RSU1: variants seen among roughly 807,000 people sequenced by gnomAD.
The protein encoded by RSU1 is Ras suppressor protein 1.
Under a neutral mutation model 31.1 loss-of-function variants are expected in RSU1, and 26 were observed. That is an observed-to-expected ratio of 0.84 (90% CI 0.61 to 1.16). RSU1 has a LOEUF of 1.16. Among genes scored for constraint, RSU1 ranks in the 50% most tolerant of loss-of-function variants. The pLI, the probability that RSU1 is intolerant of heterozygous loss-of-function variation, is 0.00. For synonymous variants in RSU1, 164 were observed against 136.3 expected, an observed-to-expected ratio of 1.20 and a Z score of -1.41; for missense variants, 320 against 339.1, an observed-to-expected ratio of 0.94 and a Z score of 0.44.
At chr10:16,705,887 C>A (rs984471654) in intron 7 of RSU1, among the ~76,000 whole-genome samples, 3 of 152,308 alleles carry the variant, frequency 2.0e-5, no homozygotes, top group East Asian at 1.9e-4. Context: ...AGCAATCCTC[C>A]TACCTCAGTC....
intron 8 of RSU1, among the ~76,000 whole-genome samples, chr10:16,685,031 T>C (rs1008013389): frequency 6.6e-6 from 1 of 152,138 alleles, no homozygotes; most frequent in Non-Finnish European, 1.5e-5. Flanking sequence ...GCGGATCACC[T>C]GAGGTCACGG....
Position 16,660,584 on chromosome 10 carries a change from G to A in RSU1, c.731+34439C>T, listed in dbSNP as rs116746837. 3.5e-3 allele frequency among the ~76,000 whole-genome samples: 506 copies of A among 142,682 alleles called. 6 individuals are homozygous for A. Among genetic ancestry groups the A allele is most frequent in the African/African-American group, 0.013 (481 of 37,874 alleles). The allele number at this position is 142,682 out of a possible 152,430, so 93.6% of individuals were successfully genotyped here. A position where few individuals can be genotyped will look rare whatever the true frequency, so the allele number is the denominator to read the frequency against. Reference sequence around the variant, plus strand: ...CTCTCTCTTTACTGTTTTTCATCTCGTTACTCTGTGTTTTGTGTTATCTTT... The same window carrying A: ...CTCTCTCTTTACTGTTTTTCATCTCATTACTCTGTGTTTTGTGTTATCTTT... On this transcript the variant is annotated intron_variant, in intron 8 of 8. Coordinates refer to ENST00000345264, the MANE Select transcript of RSU1 (RefSeq NM_012425.4).
At chr10:16,799,522 AACAAAAAC>A (rs1588543835) in intron 2 of RSU1, among the ~76,000 whole-genome samples, 2 of 151,918 alleles carry the variant, frequency 1.3e-5, no homozygotes, top group East Asian at 3.9e-4. Flanking sequence ...CAACAACAAC[AACAAAAAC>A]AACAACAAGT....
chr10:16,748,797 G>A (rs1477093640), intron 7 of RSU1, among the ~76,000 whole-genome samples: 3 of 151,930 alleles, frequency 2.0e-5, no homozygotes, highest in African/African-American at 4.8e-5. Flanking sequence ...CTGCATAAAG[G>A]GCACCACCCT....
intron 7 of RSU1, chr10:16,723,009 CAA>C (rs1491561967): frequency 6.8e-6 from 1 of 147,290 alleles, no homozygotes; most frequent in African/African-American, 2.6e-5. Context: ...CATATAGACA[CAA>C]ACATACACAC....
In RSU1 at chr10:16,754,827, A is replaced by G. The variant is rs375158099; in HGVS notation, c.400+44T>C. ...CAAATAAATTTCCCTCTCAGAACGCAAAGTACAAGGTTGAGGAGATTTATA... is the reference window on the plus strand; with the variant it reads ...CAAATAAATTTCCCTCTCAGAACGCGAAGTACAAGGTTGAGGAGATTTATA... On this transcript the variant is annotated intron_variant, in intron 5 of 8. Coordinates refer to ENST00000345264, the MANE Select transcript of RSU1 (RefSeq NM_012425.4). 7 of 1,197,120 alleles carry G rather than the reference A, an allele frequency of 5.8e-6. No homozygotes were observed. In the African/African-American group the frequency reaches 9.5e-5, roughly 16 times the overall value. 74.2% of individuals were successfully genotyped at this position (1,197,120 alleles called of 1,614,324 possible). A position where few individuals can be genotyped will look rare whatever the true frequency, so the allele number is the denominator to read the frequency against.
chr10:16,793,519 T>A (rs1837969347), intron 2 of RSU1, among the ~76,000 whole-genome samples: 1 of 152,158 alleles, frequency 6.6e-6, no homozygotes, highest in Non-Finnish European at 1.5e-5. Flanking sequence ...GTATTTAAAT[T>A]ATGGAGCCCA....
chr10:16,726,562 G>A (rs1413601624), intron 7 of RSU1, among the ~76,000 whole-genome samples: 1 of 152,128 alleles, frequency 6.6e-6, no homozygotes, highest in African/African-American at 2.4e-5. Context: ...ACTGCGCCCG[G>A]CCAAGAACGT....
At chr10:16,636,747 T>G (rs1834350353) in intron 8 of RSU1, among the ~76,000 whole-genome samples, 2 of 152,146 alleles carry the variant, frequency 1.3e-5, no homozygotes, top group African/African-American at 4.8e-5. Flanking sequence ...TGGGTGCACT[T>G]GCCAGTCCCA....
Position 16,719,899 on chromosome 10 carries a change from T to C in RSU1, c.599-24744A>G, listed in dbSNP as rs1052456823. Among the ~76,000 whole-genome samples, 7 of 152,352 alleles carry C rather than the reference T, an allele frequency of 4.6e-5. 1 individual carries two copies. In the East Asian group the frequency reaches 5.8e-4, roughly 13 times the overall value. On this transcript the variant is annotated intron_variant, in intron 7 of 8. Coordinates refer to ENST00000345264, the MANE Select transcript of RSU1 (RefSeq NM_012425.4). ...GATTGGGGACAATGCTTTCTGCATA[T>C]ATACACCAGAGGAGACTAGCCCACA...
At chr10:16,688,894 G>C (rs1328350013) in intron 8 of RSU1, among the ~76,000 whole-genome samples, 10 of 151,934 alleles carry the variant, frequency 6.6e-5, no homozygotes, top group Admixed American at 6.5e-4. Context: ...TGTAGTCCCA[G>C]GTACTAGGGA....
Position 16,695,163 on chromosome 10 carries a change from G to GGA in RSU1, c.599-9_599-8insTC. ...CAGTTAAATCCAAGTTTCCTGGGGG[G>GGA]GGGGAAAAAAAAAGTGAAGGTCACT... On this transcript the variant is annotated splice_polypyrimidine_tract_variant and intron_variant, in intron 7 of 8. Coordinates refer to ENST00000345264, the MANE Select transcript of RSU1 (RefSeq NM_012425.4). 1 of 1,472,938 alleles carries GGA rather than the reference G, an allele frequency of 6.8e-7. No individual in the cohort carries two copies. Among genetic ancestry groups the GGA allele is most frequent in the Admixed American group, 2.1e-5 (1 of 47,044 alleles). 91.2% of individuals were successfully genotyped at this position (1,472,938 alleles called of 1,614,324 possible).
intron 8 of RSU1, among the ~76,000 whole-genome samples, chr10:16,645,899 TACAC>T (rs1322261453): frequency 9.4e-6 from 1 of 106,188 alleles, no homozygotes; most frequent in Non-Finnish European, 1.7e-5. Context: ...TATATGTATA[TACAC>T]ATATATGTAT....
At chr10:16,770,487 T>A (rs1318178501) in intron 3 of RSU1, among the ~76,000 whole-genome samples, 1 of 152,134 alleles carries the variant, frequency 6.6e-6, no homozygotes, top group African/African-American at 2.4e-5. Context: ...GGAGGTGACC[T>A]CCACCCACCA....
At chr10:16,773,482 C>T (rs74535586) in intron 3 of RSU1, among the ~76,000 whole-genome samples, 2,284 of 152,294 alleles carry the variant, frequency 0.015, 62 homozygotes, top group African/African-American at 0.053. Flanking sequence ...AGGAACGCTT[C>T]GTCCATGGAG....
intron 8 of RSU1, among the ~76,000 whole-genome samples, chr10:16,621,254 C>G (rs1834065043): frequency 6.6e-6 from 1 of 152,014 alleles, no homozygotes; most frequent in Non-Finnish European, 1.5e-5. Flanking sequence ...AACATGCCAC[C>G]CTGCACAGGA....
At chr10:16,757,691 T>G (rs1286488512) in intron 4 of RSU1, among the ~76,000 whole-genome samples, 2 of 152,158 alleles carry the variant, frequency 1.3e-5, no homozygotes, top group African/African-American at 4.8e-5. Context: ...GAAGGCGACA[T>G]GTGTCTGGAA....
At chr10:16,738,223 G>C (rs1588504088) in intron 7 of RSU1, among the ~76,000 whole-genome samples, 2 of 152,140 alleles carry the variant, frequency 1.3e-5, no homozygotes, top group South Asian at 4.1e-4. Context: ...AAAACAGGCG[G>C]ATCATGATGT....
chr10:16,761,961 C>A (rs6602157), intron 4 of RSU1, among the ~76,000 whole-genome samples: 21,931 of 152,034 alleles, frequency 0.14, 4,430 homozygotes, highest in African/African-American at 0.45. Flanking sequence ...CTCCTGTGCT[C>A]CCTGCTGTGT....
Sources: gnomAD v4.1 joint callset for allele counts (sites outside exome capture counted in the v4.1 genomes callset) on GRCh38, gnomAD v4.1.1 for gene constraint, MANE v1.5 for transcripts, NCBI Gene and HGNC (gene_info 2026-07-23, HGNC 2026-07-21) for gene names.